VTI1A: variants seen among roughly 807,000 people sequenced by gnomAD.
VTI1A encodes the protein vesicle transport through interaction with t-SNAREs 1A, also known as vesicle transport through interaction with t-SNAREs homolog 1A.
A neutral mutation model predicts 34.9 loss-of-function variants in VTI1A; 22 were observed. That is an observed-to-expected ratio of 0.63 (90% confidence interval 0.45 to 0.90). The LOEUF (loss-of-function observed/expected upper bound fraction) is 0.90. Ranked by LOEUF, VTI1A falls within the 40% of genes least tolerant of loss-of-function variation. VTI1A has a pLI of 0.00. For synonymous variants in VTI1A, 87 were observed against 97.3 expected (o/e 0.89, Z 0.62); for missense variants, 268 against 275.6 (o/e 0.97, Z 0.20).
intron 7 of VTI1A, among the ~76,000 whole-genome samples, chr10:112,785,294 A>C (rs12243872): frequency 3.2e-4 from 49 of 152,340 alleles, no homozygotes; most frequent in South Asian, 2.1e-3. Context: ...TCCTTGTCAG[A>C]GGAATGACCA....
intron 3 of VTI1A, among the ~76,000 whole-genome samples, chr10:112,490,328 G>T (rs966707286): frequency 1.3e-5 from 2 of 152,106 alleles, no homozygotes; most frequent in African/African-American, 4.8e-5. Flanking sequence ...CTCACCGGTT[G>T]GTTTATTGAA....
intron 3 of VTI1A, among the ~76,000 whole-genome samples, chr10:112,480,118 A>T (rs1207297209): frequency 6.6e-6 from 1 of 152,222 alleles, no homozygotes; most frequent in Non-Finnish European, 1.5e-5. Flanking sequence ...CCTAGAGTAT[A>T]CACACACATA....
In VTI1A at chr10:112,816,899, A is replaced by G. The variant is rs1190435195; in HGVS notation, c.*1516A>G. On this transcript the variant is annotated 3_prime_UTR_variant, in exon 8 of 8. Transcript: ENST00000393077. The stretch of plus-strand genomic sequence containing the variant: ...CACCAGAGAAATTGCACTTATCGAA[A>G]CAGGCCAAGGCCTGCATGTGTTCGG... 1 of 230,612 alleles carries G rather than the reference A, an allele frequency of 4.3e-6. No individual in the cohort carries two copies. The allele number at this position is 230,612 out of a possible 1,614,324, so 14.3% of individuals were successfully genotyped here. A position where few individuals can be genotyped will look rare whatever the true frequency, so the allele number is the denominator to read the frequency against.
chr10:112,851,898 T>C, the VTI1A span, among the ~76,000 whole-genome samples: 1 of 152,208 alleles, frequency 6.6e-6, no homozygotes, highest in Non-Finnish European at 1.5e-5. Context: ...AATCTTTCCA[T>C]TGAATATTTA....
chr10:112,814,457 C>T (rs1590210451), intron 7 of VTI1A, among the ~76,000 whole-genome samples: 1 of 152,290 alleles, frequency 6.6e-6, no homozygotes, highest in South Asian at 2.1e-4. Flanking sequence ...TGATGTTCGA[C>T]CTCTTTTCTC....
chr10:112,513,699 A>G (rs1849686978), intron 3 of VTI1A, among the ~76,000 whole-genome samples: 1 of 146,526 alleles, frequency 6.8e-6, no homozygotes, highest in African/African-American at 2.5e-5. Context: ...TATTGTGTTT[A>G]GGTATATTCC....
intron 4 of VTI1A, among the ~76,000 whole-genome samples, chr10:112,537,311 G>GTATA (rs10682533): frequency 0.03 from 1,938 of 65,218 alleles, 157 homozygotes; most frequent in African/African-American, 0.062. Context: ...AAGTATCTAG[G>GTATA]TATATATATA....
chr10:112,748,544 G>A (rs1009687599), intron 7 of VTI1A, among the ~76,000 whole-genome samples: 3 of 147,954 alleles, frequency 2.0e-5, no homozygotes, highest in East Asian at 4.0e-4. Context: ...ATGTGCCCTG[G>A]ATAATTATAC....
intron 3 of VTI1A, among the ~76,000 whole-genome samples, chr10:112,472,625 G>A (rs914794941): frequency 6.6e-6 from 1 of 151,324 alleles, no homozygotes; most frequent in Non-Finnish European, 1.5e-5. Flanking sequence ...GGTCAAGAAC[G>A]TATGCTTCTG....
intron 5 of VTI1A, among the ~76,000 whole-genome samples, chr10:112,572,926 CTAAT>C (rs2134370620): frequency 6.6e-6 from 1 of 151,828 alleles, no homozygotes; most frequent in African/African-American, 2.4e-5. Context: ...AAGTTTCTCA[CTAAT>C]TAATCAAATA....
intron 7 of VTI1A, among the ~76,000 whole-genome samples, chr10:112,688,991 G>C (rs1848525859): frequency 6.6e-6 from 1 of 152,156 alleles, no homozygotes; most frequent in African/African-American, 2.4e-5. Flanking sequence ...GCTGCCTCTA[G>C]CATGTCCTTA....
intron 5 of VTI1A, among the ~76,000 whole-genome samples, chr10:112,643,164 C>CTT (rs71035393): frequency 0.012 from 1,569 of 126,466 alleles, 29 homozygotes; most frequent in Non-Finnish European, 0.02. Context: ...TTTTTTTTTT[C>CTT]TTTTTTTTTT....
chr10:112,503,748 C>T (rs938311225), intron 3 of VTI1A, among the ~76,000 whole-genome samples: 1 of 152,144 alleles, frequency 6.6e-6, no homozygotes, highest in African/African-American at 2.4e-5. Context: ...TTGTTGCTAT[C>T]TACGTGAAAT....
chr10:112,713,983 C>T (rs1393142561), intron 7 of VTI1A, among the ~76,000 whole-genome samples: 2 of 152,132 alleles, frequency 1.3e-5, no homozygotes, highest in African/African-American at 2.4e-5. Context: ...TGGCACCCAG[C>T]CTTTTCCTTC....
chr10:112,796,311 CAGG>C (rs1852671305), intron 7 of VTI1A, among the ~76,000 whole-genome samples: 1 of 151,170 alleles, frequency 6.6e-6, no homozygotes, highest in East Asian at 1.9e-4. Flanking sequence ...GAGGCTGAGG[CAGG>C]AGAATCACTT....
At chr10:112,839,204 G>A in the VTI1A span, among the ~76,000 whole-genome samples, 2 of 152,310 alleles carry the variant, frequency 1.3e-5, no homozygotes, top group South Asian at 4.2e-4. Flanking sequence ...GCCCTGGCAG[G>A]GCCAGCCCCT....
chr10:112,721,123 T>A (rs1849791525), intron 7 of VTI1A, among the ~76,000 whole-genome samples: 1 of 152,240 alleles, frequency 6.6e-6, no homozygotes, highest in Non-Finnish European at 1.5e-5. Context: ...ACTTTTTCAA[T>A]GGCACCTACA....
Position 112,636,568 on chromosome 10 carries a change from A to T in VTI1A, c.428-31650A>T, listed in dbSNP as rs12357887. 1.4e-4 allele frequency among the ~76,000 whole-genome samples: 21 copies of T among 152,114 alleles called. No homozygotes were observed. In the South Asian group the frequency reaches 3.1e-3, roughly 23 times the overall value. On this transcript the variant is annotated intron_variant, in intron 5 of 7. Transcript: ENST00000393077. ...GTGAAACCCCGTCTCTACTAAAAAA[A>T]ATATATAAAAATTAGCTGGATGTGG...
chr10:112,812,074 G>T (rs1279840668), intron 7 of VTI1A, among the ~76,000 whole-genome samples: 1 of 152,152 alleles, frequency 6.6e-6, no homozygotes, highest in Non-Finnish European at 1.5e-5. Context: ...GATGTTTCGG[G>T]CCCACATTCC....
Sources: allele counts gnomAD v4.1 joint callset (sites outside exome capture counted in the v4.1 genomes callset), GRCh38; gene constraint gnomAD v4.1.1; transcripts MANE v1.5; gene names NCBI Gene and HGNC (gene_info 2026-07-23, HGNC 2026-07-21).